The following NAA60 variants were observed in gnomAD, a reference collection of about 807,000 sequenced individuals.
The protein encoded by NAA60 is N-alpha-acetyltransferase 60, NatF catalytic subunit.
In NAA60, 8 loss-of-function variants were observed where a neutral mutation model predicts 26.1. The ratio of observed to expected loss-of-function variants is 0.31; its 90% confidence interval spans 0.18 to 0.55. The LOEUF (loss-of-function observed/expected upper bound fraction) is 0.55, where lower values mean the gene tolerates loss of function less well. Ranked by LOEUF, NAA60 falls within the 20% of genes least tolerant of loss-of-function variation. NAA60 has a pLI of 0.93. For synonymous variants in NAA60, 131 were observed against 122.5 expected, an observed-to-expected ratio of 1.07 and a Z score of -0.46; for missense variants, 290 against 311.3, an observed-to-expected ratio of 0.93 and a Z score of 0.51.
At chr16:3,481,806 G>A (rs1282114506) in intron 4 of NAA60, among the ~76,000 whole-genome samples, 1 of 152,216 alleles carries the variant, frequency 6.6e-6, no homozygotes, top group African/African-American at 2.4e-5. Flanking sequence ...GGCTTGAAGA[G>A]GGCTGGGAGA....
upstream of NAA60, chr16:3,443,611 A>T: frequency 1.3e-6 from 1 of 792,124 alleles, no homozygotes; most frequent in Non-Finnish European, 1.9e-6. Context: ...TGAACACCTT[A>T]ACCGAGGACC....
At chr16:3,476,416 C>G in intron 3 of NAA60, 79 bp downstream of exon 3, 1 of 1,205,726 alleles carries the variant, frequency 8.3e-7, no homozygotes, top group South Asian at 1.4e-5. Flanking sequence ...GTGGGGGCCT[C>G]TTGGGCCCTT....
Position 3,443,689 on chromosome 16 carries a change from C to G in NAA60, c.-225C>G, listed in dbSNP as rs2270499. 8 of 1,397,946 alleles carry G rather than the reference C, an allele frequency of 5.7e-6. No homozygotes were observed. The highest frequency in any genetic ancestry group is 7.4e-6 in the Non-Finnish European group (8 of 1,076,438). 86.6% of individuals were successfully genotyped at this position (1,397,946 alleles called of 1,614,324 possible). Reference sequence around the variant, plus strand: ...CTCTAAGCAACCATTTCCGCTTCCGCTGGCGGGGTCTCCTCCGTGAGCTCC... The same window carrying G: ...CTCTAAGCAACCATTTCCGCTTCCGGTGGCGGGGTCTCCTCCGTGAGCTCC... On this transcript the variant is annotated 5_prime_UTR_variant, in exon 1 of 8. Coordinates refer to ENST00000407558, the MANE Select transcript of NAA60 (RefSeq NM_001083601.3).
Position 3,443,731 on chromosome 16 carries a change from T to G in NAA60, c.-183T>G. 1 of 1,484,848 alleles carries G rather than the reference T, an allele frequency of 6.7e-7. No homozygotes were observed. The highest frequency in any genetic ancestry group is 8.9e-7 in the Non-Finnish European group (1 of 1,120,096). 92.0% of individuals were successfully genotyped at this position (1,484,848 alleles called of 1,614,324 possible). Reference sequence around the variant, plus strand: ...GTGAGCTCCGGGCCTGTTTGCCTGCTGAAGTAGAGTCTTAGGGTGACCCCA... The same window carrying G: ...GTGAGCTCCGGGCCTGTTTGCCTGCGGAAGTAGAGTCTTAGGGTGACCCCA... On this transcript the variant is annotated 5_prime_UTR_variant, in exon 1 of 8. Coordinates refer to ENST00000407558, the MANE Select transcript of NAA60 (RefSeq NM_001083601.3).
At chr16:3,468,803 C>T (rs879894611) in intron 2 of NAA60, among the ~76,000 whole-genome samples, 3 of 152,292 alleles carry the variant, frequency 2.0e-5, no homozygotes, top group East Asian at 1.9e-4. Context: ...TGGCCGGGCT[C>T]GGTAGCTCAT....
At chr16:3,465,296 G>C (rs1300352939) in intron 2 of NAA60, among the ~76,000 whole-genome samples, 1 of 151,532 alleles carries the variant, frequency 6.6e-6, no homozygotes, top group Non-Finnish European at 1.5e-5. Context: ...AAAGAAAAAA[G>C]GAAACTCATC....
intron 2 of NAA60, among the ~76,000 whole-genome samples, chr16:3,472,553 C>T (rs971505427): frequency 1.3e-5 from 2 of 152,142 alleles, no homozygotes; most frequent in African/African-American, 4.8e-5. Flanking sequence ...TTGCCTCAGC[C>T]TCCTAAGTAA....
chr16:3,469,834 G>T (rs544683313), intron 2 of NAA60, among the ~76,000 whole-genome samples: 1 of 152,236 alleles, frequency 6.6e-6, no homozygotes, highest in Admixed American at 6.5e-5. Flanking sequence ...GTTCACACAG[G>T]TGTTGCATGA....
chr16:3,458,887 G>GA (rs777213402), intron 2 of NAA60, among the ~76,000 whole-genome samples: 21 of 152,166 alleles, frequency 1.4e-4, no homozygotes, highest in Admixed American at 2.6e-4. Context: ...GTCCTGCTGG[G>GA]AAAATTTGGG....
chr16:3,471,046 G>A (rs113395666), intron 2 of NAA60, among the ~76,000 whole-genome samples: 3 of 152,264 alleles, frequency 2.0e-5, no homozygotes, highest in East Asian at 1.9e-4. Context: ...TCCGCAGATC[G>A]TTGTGTATCT....
chr16:3,472,982 G>A (rs896630291), intron 2 of NAA60, among the ~76,000 whole-genome samples: 2 of 151,642 alleles, frequency 1.3e-5, no homozygotes, highest in South Asian at 2.1e-4. Flanking sequence ...TCTTTTAGAG[G>A]TTTTGTTCCT....
chr16:3,448,173 C>A (rs551638230), intron 1 of NAA60, among the ~76,000 whole-genome samples: 19 of 150,486 alleles, frequency 1.3e-4, no homozygotes, highest in Admixed American at 7.4e-4. Flanking sequence ...ACTTTAGAGG[C>A]TGAAGCAAGA....
At chr16:3,461,885 C>CGA (rs1222632103) in intron 2 of NAA60, among the ~76,000 whole-genome samples, 1 of 151,976 alleles carries the variant, frequency 6.6e-6, no homozygotes, top group East Asian at 1.9e-4. Flanking sequence ...CTCACAAGTT[C>CGA]GAGAGCGGCC....
rs781503423 is a variant in NAA60 at position 3,484,715 on chromosome 16, C to T, written c.589C>T (p.Leu197=). Residue 197 remains leucine, a synonymous_variant, in exon 7 of 8, where the codon CTG becomes TTG. Coordinates refer to ENST00000407558, the MANE Select transcript of NAA60 (RefSeq NM_001083601.3). ...PWTILDYIQH[L]GSALASLSPC... Reference sequence around the variant, plus strand: ...GAGCCCCACGGACTACATCCAGCACCTGGGCTCTGCACTAGCCAGCCTGAG... The same window carrying T: ...GAGCCCCACGGACTACATCCAGCACTTGGGCTCTGCACTAGCCAGCCTGAG... The T allele has an allele frequency of 6.3e-6, 10 of 1,594,182 alleles. No individual in the cohort carries two copies. In the South Asian group the frequency reaches 1.0e-4, roughly 16 times the overall value.
At chr16:3,458,270 G>GC (rs2035121150) in intron 2 of NAA60, 1 of 853,552 alleles carries the variant, frequency 1.2e-6, no homozygotes, top group Admixed American at 6.3e-5. Context: ...GCCGGGGTCA[G>GC]GGGGGCCAGC....
intron 3 of NAA60, among the ~76,000 whole-genome samples, chr16:3,478,387 A>G (rs1379382352): frequency 1.3e-5 from 2 of 152,232 alleles, no homozygotes; most frequent in East Asian, 1.9e-4. Flanking sequence ...GGCCTTGGCC[A>G]TGTGAGCCAC....
chr16:3,447,542 T>C, intron 1 of NAA60: 8 of 985,426 alleles, frequency 8.1e-6, no homozygotes, highest in Non-Finnish European at 9.6e-6. Flanking sequence ...TCTTACCGCC[T>C]TTACCGTATC....
intron 2 of NAA60, 181 bp from the exon 3 acceptor site, chr16:3,476,041 T>TGGGGGCGACTGCAGCGCCTCTTGG: frequency 1.7e-6 from 1 of 571,844 alleles, no homozygotes; most frequent in South Asian, 2.1e-5. Context: ...TTCCCAGCGA[T>TGGGGGCGACTGCAGCGCCTCTTGG]GGGGGCGACT....
chr16:3,474,222 A>T (rs1389881591), intron 2 of NAA60, among the ~76,000 whole-genome samples: 3 of 152,224 alleles, frequency 2.0e-5, no homozygotes, highest in Non-Finnish European at 4.4e-5. Context: ...GTCAGAGCAG[A>T]GCTGCTCAGG....
Sources: gnomAD v4.1 joint callset for allele counts (sites outside exome capture counted in the v4.1 genomes callset) on GRCh38, gnomAD v4.1.1 for gene constraint, MANE v1.5 for transcripts, NCBI Gene and HGNC (gene_info 2026-07-23, HGNC 2026-07-21) for gene names.